The following GOLGB1 variants were observed in gnomAD, a reference collection of about 807,000 sequenced individuals.
GOLGB1 encodes the protein golgin B1.
A neutral mutation model predicts 336.9 loss-of-function variants in GOLGB1; 174 were observed. The ratio of observed to expected loss-of-function variants is 0.52; its 90% CI spans 0.46 to 0.59. GOLGB1 has a LOEUF of 0.59. Ranked by LOEUF, GOLGB1 falls within the 20% of genes least tolerant of loss-of-function variation. The probability of loss-of-function intolerance (pLI) is 0.00; values close to 1 mark genes in which losing one functional copy is unlikely to be tolerated. For missense variants in GOLGB1, 3,331 were observed against 3,645.3 expected, an observed-to-expected ratio of 0.91 and a Z score of 2.22; for synonymous variants, 1,208 against 1,289.2, an observed-to-expected ratio of 0.94 and a Z score of 1.35.
At chr3:121,670,721 C>G (rs1939395893) in intron 17 of GOLGB1, among the ~76,000 whole-genome samples, 1 of 122,206 alleles carries the variant, frequency 8.2e-6, no homozygotes, top group African/African-American at 3.3e-5. Flanking sequence ...GATAGTCTAG[C>G]AAGGAAAGCT....
chr3:121,744,115 A>G (rs1947077037), intron 1 of GOLGB1, among the ~76,000 whole-genome samples: 1 of 152,184 alleles, frequency 6.6e-6, no homozygotes, highest in Admixed American at 6.5e-5. Flanking sequence ...ACACATACAC[A>G]TGAACACAGG....
At position 121,693,990 on chromosome 3, in the gene GOLGB1, A is replaced by G; in HGVS notation, c.6533T>C (p.Val2178Ala). 6.2e-7 allele frequency: 1 copy of G among 1,614,144 alleles called. No individual in the cohort carries two copies. The highest frequency in any genetic ancestry group is 8.5e-7 in the Non-Finnish European group (1 of 1,180,022). The change falls in exon 13 of 22, where the codon GTT becomes GCT. Residue 2178 changes from valine to alanine, a missense_variant. Coordinates refer to ENST00000614479, the MANE Select transcript of GOLGB1 (RefSeq NM_001366282.2). Reference sequence around the variant, plus strand: ...GTCCAAGTTTTCCTGAAGTTGCTGAACTTCCTTGTCTTTCTTGTTCAAAGT... The same window carrying G: ...GTCCAAGTTTTCCTGAAGTTGCTGAGCTTCCTTGTCTTTCTTGTTCAAAGT... ...QVTLNKKDKE[V>A]QQLQENLDST...
intron 13 of GOLGB1, among the ~76,000 whole-genome samples, chr3:121,692,815 C>T (rs1443751954): frequency 6.6e-6 from 1 of 152,110 alleles, no homozygotes; most frequent in Non-Finnish European, 1.5e-5. Flanking sequence ...GTCATAAACT[C>T]CAAAATATGT....
chr3:121,682,006 A>G (rs1941131819), intron 14 of GOLGB1, 141 bp from the exon 15 acceptor site: 1 of 632,662 alleles, frequency 1.6e-6, no homozygotes, highest in Admixed American at 3.0e-5. Flanking sequence ...ATATCACTGC[A>G]ACATAAGTCT....
chr3:121,668,696 A>C (rs1352377562), intron 18 of GOLGB1, among the ~76,000 whole-genome samples: 1 of 147,464 alleles, frequency 6.8e-6, no homozygotes, highest in African/African-American at 2.6e-5. Context: ...AAAAAAAAAA[A>C]GTTAAGTCTG....
At chr3:121,723,581 C>G (rs886655506) in intron 5 of GOLGB1, among the ~76,000 whole-genome samples, 1 of 152,204 alleles carries the variant, frequency 6.6e-6, no homozygotes, top group Non-Finnish European at 1.5e-5. Context: ...CTTTTCACTT[C>G]TAAGTAGTAT....
chr3:121,694,777 G>C lies in GOLGB1; in HGVS notation c.5746C>G (p.Leu1916Val). Residue 1916 changes from leucine (L) to valine (V), a missense_variant, in exon 13 of 22, where the codon CTA becomes GTA. By Grantham distance (32) the Leu-to-Val change is conservative. Coordinates refer to ENST00000614479, the MANE Select transcript of GOLGB1 (RefSeq NM_001366282.2). ...TTCTCTTCTTCTGCTGTCTCCTTTAGTTTGGTAACTCTGGAGAGTTCTTCT... is the reference window on the plus strand; with the variant it reads ...TTCTCTTCTTCTGCTGTCTCCTTTACTTTGGTAACTCTGGAGAGTTCTTCT... ...IQEELSRVTK[L>V]KETAEEEKDD... The C allele has an allele frequency of 6.2e-7, 1 of 1,612,778 alleles. No homozygotes were observed.
intron 5 of GOLGB1, 66 bp from the exon 6 acceptor site, chr3:121,722,444 C>A (rs1406913322): frequency 1.7e-5 from 14 of 831,846 alleles, no homozygotes; most frequent in Non-Finnish European, 2.4e-5. Context: ...ATTATTAATT[C>A]TTTGACCTCC....
chr3:121,715,758 C>A (rs1393949096), intron 9 of GOLGB1, among the ~76,000 whole-genome samples: 1 of 151,762 alleles, frequency 6.6e-6, no homozygotes, highest in Non-Finnish European at 1.5e-5. Context: ...TTTGGGATGC[C>A]GAGGCGGGCA....
chr3:121,698,463 T>C lies in GOLGB1; in HGVS notation c.2060A>G (p.His687Arg), dbSNP rs745795831. 1.4e-5 allele frequency: 23 copies of C among 1,613,948 alleles called. No individual in the cohort carries two copies. In the East Asian group the frequency reaches 5.1e-4, roughly 36 times the overall value. The change falls in exon 13 of 22, where the codon CAT becomes CGT. Residue 687 changes from histidine (H) to arginine (R), a missense_variant. Physicochemically the swap from His to Arg is conservative, Grantham distance 29. Coordinates refer to ENST00000614479, the MANE Select transcript of GOLGB1 (RefSeq NM_001366282.2). ...LSAVPDIGQC[H>R]QDELERLKSQ... ...TTTTAACCTTTCCAACTCATCCTGA[T>C]GACACTGACCAATATCTGGTACAGC... is the stretch of plus-strand genomic sequence containing the variant.
At chr3:121,740,708 G>T (rs1033556491) in intron 1 of GOLGB1, among the ~76,000 whole-genome samples, 2 of 152,092 alleles carry the variant, frequency 1.3e-5, no homozygotes, top group African/African-American at 2.4e-5. Flanking sequence ...GAGTTACATA[G>T]GATTTGCGAG....
At chr3:121,749,349 G>A (rs1409112786) in intron 1 of GOLGB1, among the ~76,000 whole-genome samples, 5 of 152,302 alleles carry the variant, frequency 3.3e-5, no homozygotes, top group Admixed American at 6.5e-5. Context: ...CGCTCCCAGA[G>A]GAGAAACGTA....
At chr3:121,743,013 T>C (rs953506379) in intron 1 of GOLGB1, among the ~76,000 whole-genome samples, 2 of 152,226 alleles carry the variant, frequency 1.3e-5, no homozygotes, top group Non-Finnish European at 2.9e-5. Context: ...TTTACACTAT[T>C]GGTGGTAGTG....
chr3:121,668,132 T>C lies in GOLGB1; in HGVS notation c.9348A>G (p.Pro3116=). 1 of 1,601,356 alleles carries C rather than the reference T, an allele frequency of 6.2e-7. No individual in the cohort carries two copies. Among genetic ancestry groups the C allele is most frequent in the Non-Finnish European group, 8.5e-7 (1 of 1,170,888 alleles). The change falls in exon 19 of 22, where the codon CCA becomes CCG. Residue 3116 remains proline (P), a synonymous_variant. Transcript: ENST00000614479. ...CTCCATTCTTTTCCTGGGGAGCTCC[T>C]GGAGCAACATCTATATTTAGTGGCC... ...QAGPLNIDVA[P]GAPQEKNGVH...
At chr3:121,727,989 T>C (rs1037689545) in intron 4 of GOLGB1, among the ~76,000 whole-genome samples, 6 of 152,044 alleles carry the variant, frequency 3.9e-5, no homozygotes, top group African/African-American at 1.4e-4. Flanking sequence ...GTCTCAGAGC[T>C]AAAAATGAAA....
At chr3:121,673,883 G>A (rs1363911299) in intron 17 of GOLGB1, among the ~76,000 whole-genome samples, 1 of 152,044 alleles carries the variant, frequency 6.6e-6, no homozygotes, top group Non-Finnish European at 1.5e-5. Context: ...ACCATGGCTG[G>A]CTAATTTTTG....
rs372127396 is a variant in GOLGB1 at position 121,698,493 on chromosome 3, A to G, written c.2030T>C (p.Leu677Pro). ...KSTKQDGDKS[L>P]SAVPDIGQCH... ...CTGACCAATATCTGGTACAGCAGAA[A>G]GGGATTTATCACCATCCTGCTTTGT... Residue 677 changes from leucine (L) to proline (P), a missense_variant, in exon 13 of 22, where the codon CTT (leucine) becomes CCT (proline). Leu to Pro is a moderately conservative substitution (Grantham distance 98). Coordinates refer to ENST00000614479, the MANE Select transcript of GOLGB1 (RefSeq NM_001366282.2). The G allele has an allele frequency of 1.2e-6, 2 of 1,613,196 alleles. No individual in the cohort carries two copies. Among genetic ancestry groups the G allele is most frequent in the African/African-American group, 2.7e-5 (2 of 74,904 alleles).
chr3:121,673,093 G>A (rs13077135), intron 17 of GOLGB1, among the ~76,000 whole-genome samples: 32,532 of 147,222 alleles, frequency 0.22, 4,113 homozygotes, highest in Non-Finnish European at 0.29. Flanking sequence ...TTTTTGAGAC[G>A]GAGTCTCGCT....
At chr3:121,685,284 C>T (rs1941594073) in intron 14 of GOLGB1, among the ~76,000 whole-genome samples, 1 of 152,116 alleles carries the variant, frequency 6.6e-6, no homozygotes. Context: ...CGCCTGTAAT[C>T]CCAACACTTT....
Sources: allele counts gnomAD v4.1 joint callset (sites outside exome capture counted in the v4.1 genomes callset), GRCh38; gene constraint gnomAD v4.1.1; transcripts MANE v1.5; gene names NCBI Gene and HGNC (gene_info 2026-07-23, HGNC 2026-07-21).